Variants in PCDHGA4 observed in about 807,000 individuals in gnomAD.
PCDHGA4 encodes the protein protocadherin gamma-A4.
In PCDHGA4, 38 loss-of-function variants were observed where a neutral mutation model predicts 54.6. That is an observed-to-expected ratio of 0.70 (90% CI 0.54 to 0.91). The LOEUF is 0.91. PCDHGA4 is among the 40% of genes least tolerant of loss of function. PCDHGA4 has a pLI of 0.00. For missense variants in PCDHGA4, 1,298 were observed against 1,220.9 expected (o/e 1.06, Z -0.94); for synonymous variants, 511 against 512.9 (o/e 1.00, Z 0.05).
In PCDHGA4 at chr5:141,432,571, G is replaced by A. The variant is rs776214748; in HGVS notation, c.2515-62236G>A. On this transcript the variant is annotated intron_variant, in intron 1 of 3. Coordinates refer to ENST00000571252, the MANE Select transcript of PCDHGA4 (RefSeq NM_018917.4). The surrounding 1 kb of genome is among the most constrained non-coding windows in gnomAD (Gnocchi z 6.0). ...GAGACTCCGGCCAGAACGCCTGGCT[G>A]TCCTACCGTCTGCTCAAGGCCAGCG... is the stretch of plus-strand genomic sequence containing the variant. 1.2e-6 allele frequency: 2 copies of A among 1,613,954 alleles called. No homozygotes were observed. Among genetic ancestry groups the A allele is most frequent in the South Asian group, 1.1e-5 (1 of 91,068 alleles).
intron 1 of PCDHGA4, chr5:141,419,209 G>C: frequency 6.2e-7 from 1 of 1,613,900 alleles, no homozygotes; most frequent in Admixed American, 1.7e-5. Context: ...ACAACGCGCC[G>C]GTTTTCGGAC....
At chr5:141,384,808 G>A in intron 1 of PCDHGA4, 3 of 1,613,484 alleles carry the variant, frequency 1.9e-6, no homozygotes, top group Non-Finnish European at 2.5e-6. Flanking sequence ...GGACAGAGAT[G>A]CCCTCAAGCA....
chr5:141,454,076 T>A (rs190918056), intron 1 of PCDHGA4, among the ~76,000 whole-genome samples: 2 of 152,352 alleles, frequency 1.3e-5, no homozygotes, highest in East Asian at 3.8e-4. Flanking sequence ...TGATAATGTT[T>A]TCAGTGAAAT....
intron 1 of PCDHGA4, chr5:141,475,850 G>C (rs2099376325): frequency 8.6e-6 from 4 of 464,524 alleles, no homozygotes; most frequent in Non-Finnish European, 1.5e-5. Flanking sequence ...AGAGAGCCCG[G>C]CGCTAGCTCA....
chr5:141,451,536 G>A (rs1183287437), intron 1 of PCDHGA4, among the ~76,000 whole-genome samples: 1 of 152,202 alleles, frequency 6.6e-6, no homozygotes, highest in Non-Finnish European at 1.5e-5. Context: ...GAGAGTGCCA[G>A]AGAGGGCAAA....
chr5:141,445,814 TA>T (rs1554133713), intron 1 of PCDHGA4, among the ~76,000 whole-genome samples: 1 of 152,182 alleles, frequency 6.6e-6, no homozygotes, highest in Non-Finnish European at 1.5e-5. Context: ...TAGATGAAAC[TA>T]ATAAGGCAGG....
intron 1 of PCDHGA4, chr5:141,390,115 G>A: frequency 1.2e-6 from 2 of 1,614,036 alleles, no homozygotes; most frequent in Non-Finnish European, 1.7e-6. Flanking sequence ...TACAGCGAGG[G>A]GACTTTGCCT....
At chr5:141,505,576 T>C in intron 3 of PCDHGA4, 95 bp downstream of exon 3, 5 of 1,590,334 alleles carry the variant, frequency 3.1e-6, no homozygotes, top group Admixed American at 1.7e-5. Context: ...ATGTCAAACC[T>C]GTGTAGTTTC....
At chr5:141,441,734 G>GAT in intron 1 of PCDHGA4, 1 of 364,808 alleles carries the variant, frequency 2.7e-6, no homozygotes, top group South Asian at 2.2e-5. Context: ...ACCAGGACTA[G>GAT]CTCGCGCTCG....
At chr5:141,409,464 C>T in intron 1 of PCDHGA4, 1 of 1,613,940 alleles carries the variant, frequency 6.2e-7, no homozygotes, top group East Asian at 2.2e-5. Context: ...TACAATGTCA[C>T]CATCGTAGCC....
chr5:141,458,514 T>G (rs1338106276), intron 1 of PCDHGA4, among the ~76,000 whole-genome samples: 1 of 129,036 alleles, frequency 7.7e-6, no homozygotes, highest in African/African-American at 3.6e-5. Context: ...TGACACTTTG[T>G]TTTTTTTTTT....
intron 1 of PCDHGA4, chr5:141,383,195 G>T: frequency 1.2e-6 from 2 of 1,614,044 alleles, no homozygotes; most frequent in Non-Finnish European, 1.7e-6. Flanking sequence ...TGCGCTCAGA[G>T]TGCGCGGTGT....
intron 1 of PCDHGA4, chr5:141,424,527 A>G (rs1164206187): frequency 1.3e-5 from 2 of 152,214 alleles, no homozygotes; most frequent in African/African-American, 2.4e-5. Flanking sequence ...GTAAATCCAT[A>G]TATAGAAATA....
intron 1 of PCDHGA4, chr5:141,372,835 C>T (rs894902171): frequency 1.3e-6 from 2 of 1,535,142 alleles, no homozygotes; most frequent in Non-Finnish European, 1.8e-6. Context: ...CCTTTCCTTC[C>T]ATAAATATAA....
intron 1 of PCDHGA4, chr5:141,392,740 G>A: frequency 1.4e-6 from 2 of 1,435,578 alleles, no homozygotes. Context: ...CATCTCCATA[G>A]CTGCGGCAAG....
chr5:141,492,575 C>T (rs1213639439), intron 1 of PCDHGA4, among the ~76,000 whole-genome samples: 1 of 152,218 alleles, frequency 6.6e-6, no homozygotes, highest in South Asian at 2.1e-4. Flanking sequence ...GAGCGAGGCG[C>T]GGGGCCAGGA....
At chr5:141,413,070 T>G (rs990993849) in intron 1 of PCDHGA4, 1 of 1,195,014 alleles carries the variant, frequency 8.4e-7, no homozygotes, top group African/African-American at 1.5e-5. Context: ...GAATTTAAAG[T>G]GCCCAGGCTA....
At chr5:141,400,357 T>C (rs769075513) in intron 1 of PCDHGA4, 1 of 1,614,052 alleles carries the variant, frequency 6.2e-7, no homozygotes, top group Non-Finnish European at 8.5e-7. Flanking sequence ...TCAGGGGACT[T>C]TGCCTTATTC....
rs70988800 is a variant in PCDHGA4 at position 141,379,889 on chromosome 5, C to CTTTTTTTTTTTTTTTTTTTTTTTTTTTTT, written c.2514+22270_2514+22298dup. On this transcript the variant is annotated intron_variant, in intron 1 of 3. Coordinates refer to ENST00000571252, the MANE Select transcript of PCDHGA4 (RefSeq NM_018917.4). The stretch of plus-strand genomic sequence containing the variant: ...CTTATTTTATGGTCTGTGAAAGCCT[C>CTTTTTTTTTTTTTTTTTTTTTTTTTTTTT]TTTTTTTTTTTTTTTTTTTTTTTTT... Among the ~76,000 whole-genome samples the CTTTTTTTTTTTTTTTTTTTTTTTTTTTTT allele has an allele frequency of 3.3e-4, 17 of 50,832 alleles. 3 individuals are homozygous for CTTTTTTTTTTTTTTTTTTTTTTTTTTTTT. Among genetic ancestry groups the CTTTTTTTTTTTTTTTTTTTTTTTTTTTTT allele is most frequent in the Non-Finnish European group, 5.0e-4 (13 of 25,882 alleles). 33.3% of individuals were successfully genotyped at this position (50,832 alleles called of 152,430 possible).
Sources: allele counts gnomAD v4.1 joint callset (sites outside exome capture counted in the v4.1 genomes callset), GRCh38; gene constraint gnomAD v4.1.1; non-coding constraint Gnocchi (gnomAD v3.1); transcripts MANE v1.5; gene names NCBI Gene and HGNC (gene_info 2026-07-23, HGNC 2026-07-21).